Variants in MYOM2 observed in about 807,000 individuals in gnomAD.
MYOM2 encodes the protein myomesin-2.
Under a neutral mutation model 187.6 loss-of-function variants are expected in MYOM2, and 254 were observed. The ratio of observed to expected loss-of-function variants is 1.35; its 90% CI spans 1.22 to 1.50. MYOM2 has a LOEUF of 1.50. MYOM2 is among the 40% of genes most tolerant of loss of function. The probability of loss-of-function intolerance (pLI) is 0.00; values close to 1 mark genes in which losing one functional copy is unlikely to be tolerated. For missense variants in MYOM2, 2,796 were observed against 1,924.0 expected (o/e 1.45, Z -8.48); for synonymous variants, 981 against 753.8 (o/e 1.30, Z -4.94).
intron 8 of MYOM2, among the ~76,000 whole-genome samples, chr8:2,069,764 A>C (rs773743756): frequency 2.0e-5 from 3 of 152,158 alleles, no homozygotes; most frequent in Non-Finnish European, 4.4e-5. Context: ...GCATGCTGAC[A>C]ATTTGTTCCC....
intron 14 of MYOM2, among the ~76,000 whole-genome samples, chr8:2,089,037 C>T (rs1272872727): frequency 2.6e-5 from 4 of 152,154 alleles, no homozygotes; most frequent in East Asian, 1.9e-4. Flanking sequence ...TACAAAATAG[C>T]GGCTTTTCAC....
chr8:2,102,810 A>C, intron 21 of MYOM2, 29 bp downstream of exon 21: 8 of 1,551,610 alleles, frequency 5.2e-6, no homozygotes, highest in Non-Finnish European at 7.1e-6. Context: ...ACTACAAAAC[A>C]GCAATGATTT....
At position 2,102,752 on chromosome 8, in the gene MYOM2, C is replaced by T. The variant is rs369613732; in HGVS notation, c.2705C>T (p.Ser902Leu). The change falls in exon 21 of 37, where the codon TCG (serine) becomes TTG (leucine). Residue 902 changes from serine to leucine, a missense_variant. Ser to Leu is a moderately radical substitution (Grantham distance 145, BLOSUM62 -2). Coordinates refer to ENST00000262113, the MANE Select transcript of MYOM2 (RefSeq NM_003970.4). ...ANGVGKPSDT[S>L]EPVLVEARPG... ...GGCGTGGGGAAGCCCTCAGACACGT[C>T]GGAGCCTGTGCTGGTAGAGGCGAGA... The T allele has an allele frequency of 1.5e-5, 24 of 1,613,788 alleles. No individual in the cohort carries two copies. Among genetic ancestry groups the T allele is most frequent in the African/African-American group, 6.7e-5 (5 of 74,906 alleles).
chr8:2,143,987 T>C (rs1009576126), intron 36 of MYOM2, among the ~76,000 whole-genome samples: 5 of 152,258 alleles, frequency 3.3e-5, no homozygotes, highest in African/African-American at 1.2e-4. Flanking sequence ...ATTATTGATA[T>C]CTAATTGATA....
intron 9 of MYOM2, 55 bp downstream of exon 9, chr8:2,072,564 A>G: frequency 6.4e-7 from 1 of 1,563,282 alleles, no homozygotes; most frequent in South Asian, 1.2e-5. Context: ...TTGGACGGAA[A>G]TGTCCTTTAA....
intron 11 of MYOM2, among the ~76,000 whole-genome samples, chr8:2,078,371 G>A (rs915301386): frequency 6.6e-6 from 1 of 152,194 alleles, no homozygotes; most frequent in African/African-American, 2.4e-5. Flanking sequence ...TAGGGGTGCC[G>A]TGACTATGTC....
At chr8:2,084,948 T>G in intron 13 of MYOM2, 1 of 327,576 alleles carries the variant, frequency 3.1e-6, no homozygotes, top group Non-Finnish European at 5.6e-6. Context: ...CAGAGCCCCA[T>G]TTCGGGTGCA....
At chr8:2,101,162 A>T in intron 20 of MYOM2, 108 bp downstream of exon 20, 1 of 1,100,438 alleles carries the variant, frequency 9.1e-7, no homozygotes, top group Non-Finnish European at 1.3e-6. Context: ...CCTGGCCAAC[A>T]TGGAGAAGCC....
At chr8:2,107,996 C>T (rs1294520124) in intron 23 of MYOM2, among the ~76,000 whole-genome samples, 1 of 152,184 alleles carries the variant, frequency 6.6e-6, no homozygotes, top group Admixed American at 6.5e-5. Flanking sequence ...TATGGAAATT[C>T]CTACCAGAAG....
At chr8:2,144,555 A>G in intron 36 of MYOM2, 109 bp from the exon 37 acceptor site, 1 of 1,120,764 alleles carries the variant, frequency 8.9e-7, no homozygotes, top group South Asian at 1.3e-5. Context: ...CAAACGATTG[A>G]AGGACCAATA....
In MYOM2 at chr8:2,127,186, C is replaced by T. The variant is rs956393541; in HGVS notation, c.3695-1941C>T. On this transcript the variant is annotated intron_variant, in intron 31 of 36. Coordinates refer to ENST00000262113, the MANE Select transcript of MYOM2 (RefSeq NM_003970.4). ...GGCTCTGCAGTGTGTTGACTTCACC[C>T]AGTTCCCAAGCTCTTTTTCAAGTTG... is the stretch of plus-strand genomic sequence containing the variant. Among the ~76,000 whole-genome samples the T allele has an allele frequency of 2.0e-5, 3 of 152,044 alleles. No individual in the cohort carries two copies. In the East Asian group the frequency reaches 5.8e-4, roughly 29 times the overall value.
chr8:2,080,871 C>T lies in MYOM2; in HGVS notation c.1516+1258C>T, dbSNP rs537260891. On this transcript the variant is annotated intron_variant, in intron 13 of 36. Transcript: ENST00000262113. The stretch of plus-strand genomic sequence containing the variant: ...TAGAATGAGGTTTGGTTCTGATCTG[C>T]GGGAGGAACAGGCAGCCCAGCCCGT... 5.4e-4 allele frequency among the ~76,000 whole-genome samples: 78 copies of T among 143,798 alleles called. 2 individuals carry two copies. In the South Asian group the frequency reaches 0.015, roughly 28 times the overall value. The allele number at this position is 143,798 out of a possible 152,430, so 94.3% of individuals were successfully genotyped here.
intron 25 of MYOM2, among the ~76,000 whole-genome samples, chr8:2,110,704 G>C (rs1343357886): frequency 6.6e-6 from 1 of 152,200 alleles, no homozygotes; most frequent in Non-Finnish European, 1.5e-5. Flanking sequence ...TAGGGGAACT[G>C]TGGGATGCAG....
intron 6 of MYOM2, among the ~76,000 whole-genome samples, chr8:2,064,759 C>T (rs773637841): frequency 1.2e-4 from 18 of 151,610 alleles, no homozygotes; most frequent in Middle Eastern, 3.4e-3. Flanking sequence ...GGGAACACAT[C>T]TCCCTCCTCC....
chr8:2,101,124 T>C, intron 20 of MYOM2, 70 bp downstream of exon 20: 1 of 1,509,548 alleles, frequency 6.6e-7, no homozygotes, highest in Non-Finnish European at 9.1e-7. Flanking sequence ...GGCGGGCCAA[T>C]CACTTGAGGT....
chr8:2,059,224 T>C lies in MYOM2; in HGVS notation c.632T>C (p.Val211Ala). 1.2e-6 allele frequency: 2 copies of C among 1,614,160 alleles called. No individual in the cohort carries two copies. The highest frequency in any genetic ancestry group is 1.7e-6 in the Non-Finnish European group (2 of 1,180,018). ...GKYRIESNYG[V>A]HTLEINRADF... ...TACAGGATTGAGAGCAACTATGGCG[T>C]ACACACACTGGAGATCAACAGGTAT... Residue 211 changes from valine to alanine, a missense_variant, in exon 6 of 37, where the codon GTA becomes GCA. Transcript: ENST00000262113.
At chr8:2,072,066 C>A (rs1223111381) in intron 8 of MYOM2, among the ~76,000 whole-genome samples, 1 of 152,228 alleles carries the variant, frequency 6.6e-6, no homozygotes, top group African/African-American at 2.4e-5. Flanking sequence ...GTGTTCCATG[C>A]TGTGGGGCGG....
chr8:2,090,472 A>C (rs1279685620), intron 15 of MYOM2, among the ~76,000 whole-genome samples: 1 of 152,246 alleles, frequency 6.6e-6, no homozygotes, highest in Admixed American at 6.5e-5. Context: ...AAACTTTTAA[A>C]AAAACTTTTA....
chr8:2,143,441 C>T lies in MYOM2; in HGVS notation c.4065C>T (p.Thr1355=), dbSNP rs1247145452. Residue 1355 remains threonine (T), a synonymous_variant, in exon 36 of 37, where the codon ACC becomes ACT. Transcript: ENST00000262113. ...TCGGCGGCTTGCCTGACGTGGTGAC[C>T]ATCATGGAAGGGAAGGTGAGGATTC... ...RLIGGLPDVV[T]IMEGKTLNLT... is the part of the protein sequence containing the mutation. The T allele has an allele frequency of 6.2e-7, 1 of 1,614,044 alleles. No homozygotes were observed. The highest frequency in any genetic ancestry group is 8.5e-7 in the Non-Finnish European group (1 of 1,180,036).
Sources: gnomAD v4.1 joint callset for allele counts (sites outside exome capture counted in the v4.1 genomes callset) on GRCh38, gnomAD v4.1.1 for gene constraint, MANE v1.5 for transcripts, NCBI Gene and HGNC (gene_info 2026-07-23, HGNC 2026-07-21) for gene names.